ANKRD44: variants seen among roughly 807,000 people sequenced by gnomAD.
ANKRD44 encodes serine/threonine-protein phosphatase 6 regulatory ankyrin repeat subunit B.
In ANKRD44, 35 loss-of-function variants were observed where a neutral mutation model predicts 116.0. That is an observed-to-expected ratio of 0.30 (90% CI 0.23 to 0.40). The LOEUF (loss-of-function observed/expected upper bound fraction) is 0.40. Among genes scored for constraint, ANKRD44 ranks in the 10% least tolerant of loss-of-function variants. The probability of loss-of-function intolerance (pLI) is 1.00; values close to 1 mark genes in which losing one functional copy is unlikely to be tolerated. For synonymous variants in ANKRD44, 435 were observed against 461.8 expected (o/e 0.94, Z 0.74); for missense variants, 1,014 against 1,242.6 (o/e 0.82, Z 2.77).
In ANKRD44 at chr2:196,993,598, C is replaced by G; in HGVS notation, c.2908G>C (p.Ala970Pro). ...TTCCACTTACCATTTTCATCTACAG[C>G]AAGTACACAGGCCCCTTTGGCCAGC... ...ELLAKGACVL[A>P]VDENASRSNG... Residue 970 changes from alanine (A) to proline (P), a missense_variant, in exon 27 of 28, where the codon GCT (alanine) becomes CCT (proline). By Grantham distance (27) the Ala-to-Pro change is conservative. Transcript: ENST00000282272. 6.4e-7 allele frequency: 1 copy of G among 1,550,960 alleles called. No homozygotes were observed. The highest frequency in any genetic ancestry group is 1.2e-5 in the South Asian group (1 of 84,052).
chr2:197,011,967 G>A (rs1438109574), intron 18 of ANKRD44, among the ~76,000 whole-genome samples: 2 of 152,112 alleles, frequency 1.3e-5, no homozygotes, highest in Non-Finnish European at 2.9e-5. Flanking sequence ...TTTTTCACAC[G>A]ACTCAAAGAC....
At chr2:197,298,551 G>C (rs2083794069) in intron 1 of ANKRD44, among the ~76,000 whole-genome samples, 1 of 152,186 alleles carries the variant, frequency 6.6e-6, no homozygotes, top group Admixed American at 6.5e-5. Flanking sequence ...CTTAAGAGGG[G>C]CACAAAGGTG....
At position 197,108,700 on chromosome 2, in the gene ANKRD44, C is replaced by T. The variant is rs182426012; in HGVS notation, c.985+2066G>A. Among the ~76,000 whole-genome samples, 368 of 152,192 alleles carry T rather than the reference C, an allele frequency of 2.4e-3. 2 individuals are homozygous for T. Among genetic ancestry groups the T allele is most frequent in the African/African-American group, 8.0e-3 (333 of 41,506 alleles). On this transcript the variant is annotated intron_variant, in intron 9 of 27. Transcript: ENST00000282272. ...AGTAAAAATACAAAAATTAGCTGGG[C>T]ATGGTGGCACACCTGTAGTCCCAGC...
intron 26 of ANKRD44, among the ~76,000 whole-genome samples, chr2:196,993,905 A>G (rs2125882180): frequency 6.6e-6 from 1 of 152,312 alleles, no homozygotes. Flanking sequence ...AATATTCTGC[A>G]TCTCAAACAA....
chr2:197,172,080 A>C (rs957505009), intron 2 of ANKRD44, among the ~76,000 whole-genome samples: 1 of 145,980 alleles, frequency 6.9e-6, no homozygotes, highest in African/African-American at 2.5e-5. Flanking sequence ...GGCTCACTGC[A>C]ACCTCCACCT....
chr2:196,995,299 G>T, intron 26 of ANKRD44, 80 bp downstream of exon 26: 2 of 996,260 alleles, frequency 2.0e-6, no homozygotes, highest in Non-Finnish European at 3.0e-6. Context: ...AGCTAGTCTG[G>T]CACACAGCAG....
chr2:197,047,650 G>A (rs973482622), intron 16 of ANKRD44, among the ~76,000 whole-genome samples: 4 of 152,056 alleles, frequency 2.6e-5, no homozygotes, highest in Admixed American at 2.0e-4. Context: ...GGTGGCTCAC[G>A]CCTGTAATCC....
In ANKRD44 at chr2:196,987,650, C is replaced by T. The variant is rs1171227692; in HGVS notation, c.*1941G>A. On this transcript the variant is annotated 3_prime_UTR_variant, in exon 28 of 28. Transcript: ENST00000282272. ...TTTAGTAGTGATAAATAGAAATACCCTGAGCTATTTACTGTAGAATCATAG... is the reference window on the plus strand; with the variant it reads ...TTTAGTAGTGATAAATAGAAATACCTTGAGCTATTTACTGTAGAATCATAG... The T allele has an allele frequency of 3.0e-6, 3 of 985,210 alleles. No homozygotes were observed. The highest frequency in any genetic ancestry group is 1.7e-5 in the African/African-American group (1 of 57,212). The allele number at this position is 985,210 out of a possible 1,614,324, so 61.0% of individuals were successfully genotyped here. A position where few individuals can be genotyped will look rare whatever the true frequency, so the allele number is the denominator to read the frequency against.
rs1434883595 is a variant in ANKRD44 at position 197,139,897 on chromosome 2, T to TGTGTGA, written c.191-3236_191-3235insTCACAC. 1.2e-3 allele frequency among the ~76,000 whole-genome samples: 153 copies of TGTGTGA among 131,402 alleles called. 2 individuals carry two copies. Among genetic ancestry groups the TGTGTGA allele is most frequent in the African/African-American group, 4.0e-3 (141 of 35,512 alleles). The allele number at this position is 131,402 out of a possible 152,430, so 86.2% of individuals were successfully genotyped here. A position where few individuals can be genotyped will look rare whatever the true frequency, so the allele number is the denominator to read the frequency against. ...GTGTGTGTGTGTGTGTGTGTGTGTG[T>TGTGTGA]GAAACGGAGTCTTGCTCTGTCACCC... On this transcript the variant is annotated intron_variant, in intron 3 of 27. Transcript: ENST00000282272.
At chr2:197,058,319 A>C (rs1359227568) in intron 16 of ANKRD44, among the ~76,000 whole-genome samples, 2 of 151,662 alleles carry the variant, frequency 1.3e-5, no homozygotes, top group Non-Finnish European at 2.9e-5. Context: ...TCAAATCAAT[A>C]TTGCTTGAAG....
At chr2:197,126,605 AT>A (rs2078979875) in intron 4 of ANKRD44, among the ~76,000 whole-genome samples, 1 of 151,874 alleles carries the variant, frequency 6.6e-6, no homozygotes, top group South Asian at 2.1e-4. Flanking sequence ...GGCCTCCCAC[AT>A]TTTTTCTTCT....
In ANKRD44 at chr2:197,285,757, T is replaced by A. The variant is rs550457720; in HGVS notation, c.27+24821A>T. 2.0e-5 allele frequency among the ~76,000 whole-genome samples: 3 copies of A among 152,162 alleles called. No homozygotes were observed. In the South Asian group the frequency reaches 6.2e-4, roughly 32 times the overall value. ...AGAAAAACAAAAAGGAAAGAAAACA[T>A]AAAACCTCATTATGGTTGACAAAGA... On this transcript the variant is annotated intron_variant, in intron 1 of 27. Transcript: ENST00000282272.
At chr2:196,976,583 C>T (rs1211723090) in intron 21 of ANKRD44, among the ~76,000 whole-genome samples, 1 of 152,046 alleles carries the variant, frequency 6.6e-6, no homozygotes, top group East Asian at 1.9e-4. Flanking sequence ...TTTAAGGAAT[C>T]CAGCTGGGTG....
intron 21 of ANKRD44, among the ~76,000 whole-genome samples, chr2:197,002,629 T>C (rs981358802): frequency 2.0e-5 from 3 of 152,204 alleles, no homozygotes; most frequent in Non-Finnish European, 2.9e-5. Flanking sequence ...TTTGTGACGT[T>C]CTATACAATT....
chr2:197,201,387 G>A lies in ANKRD44; in HGVS notation c.28-14281C>T, dbSNP rs913136028. Among the ~76,000 whole-genome samples, 1 of 149,002 alleles carries A rather than the reference G, an allele frequency of 6.7e-6. No homozygotes were observed. The highest frequency in any genetic ancestry group is 2.6e-5 in the African/African-American group (1 of 38,334). ...GTTTTTATTTAGCAGAATTTTGAAT[G>A]CCCGTTGCCTCCGTGGCACTAGGCA... On this transcript the variant is annotated intron_variant, in intron 1 of 27. Transcript: ENST00000282272. This position sits in a 1 kb window ranked among gnomAD's most constrained non-coding sequence, Gnocchi z 4.0.
intron 1 of ANKRD44, among the ~76,000 whole-genome samples, chr2:197,219,395 C>T (rs2697296): frequency 0.99 from 150,378 of 152,266 alleles, 74,288 homozygotes; most frequent in East Asian, 1. Flanking sequence ...AAACCATTTT[C>T]AAGTGGATAG....
In ANKRD44 at chr2:197,007,773, T is replaced by C. The variant is rs2305250; in HGVS notation, c.2130+33A>G. On this transcript the variant is annotated intron_variant, in intron 20 of 27. Coordinates refer to ENST00000282272, the MANE Select transcript of ANKRD44 (RefSeq NM_001195144.2). ...AAAGAAAACAAGCTCATTAAAAAAA[T>C]TGCTTGACTAGAGCTGAGAAAGATG... 1.0e-4 allele frequency: 142 copies of C among 1,383,084 alleles called. No individual in the cohort carries two copies. The East Asian group carries it at 3.1e-3, about 31-fold the overall frequency. The allele number at this position is 1,383,084 out of a possible 1,614,324, so 85.7% of individuals were successfully genotyped here. A position where few individuals can be genotyped will look rare whatever the true frequency, so the allele number is the denominator to read the frequency against.
At chr2:197,248,310 C>G (rs78829517) in intron 1 of ANKRD44, among the ~76,000 whole-genome samples, 2 of 152,074 alleles carry the variant, frequency 1.3e-5, no homozygotes, top group African/African-American at 4.8e-5. Context: ...CTGGCCATCC[C>G]AAGCAAGACG....
At chr2:197,245,330 G>T (rs570566909) in intron 1 of ANKRD44, among the ~76,000 whole-genome samples, 5 of 152,242 alleles carry the variant, frequency 3.3e-5, no homozygotes, top group African/African-American at 1.2e-4. Context: ...ATTGTATTAG[G>T]TATTATAAGC....
Sources: allele counts gnomAD v4.1 joint callset (sites outside exome capture counted in the v4.1 genomes callset), GRCh38; gene constraint gnomAD v4.1.1; non-coding constraint Gnocchi (gnomAD v3.1); transcripts MANE v1.5; gene names NCBI Gene and HGNC (gene_info 2026-07-23, HGNC 2026-07-21).